Variants in FARP1 observed in about 807,000 individuals in gnomAD.
FARP1 encodes FERM, ARHGEF and pleckstrin domain-containing protein 1.
Under a neutral mutation model 128.8 loss-of-function variants are expected in FARP1, and 52 were observed. The ratio of observed to expected loss-of-function variants is 0.40; its 90% confidence interval spans 0.32 to 0.51. The LOEUF is 0.51. FARP1 is among the 20% of genes least tolerant of loss of function. The pLI is 0.45. For missense variants in FARP1, 1,333 were observed against 1,367.9 expected, an observed-to-expected ratio of 0.97 and a Z score of 0.40; for synonymous variants, 580 against 551.8, an observed-to-expected ratio of 1.05 and a Z score of -0.72.
chr13:98,300,209 G>A (rs139807592), intron 2 of FARP1, among the ~76,000 whole-genome samples: 1 of 152,354 alleles, frequency 6.6e-6, no homozygotes, highest in African/African-American at 2.4e-5. Context: ...GGTCTGGAGT[G>A]AGAAGACAGT....
At chr13:98,236,845 C>T (rs1345125887) in intron 2 of FARP1, among the ~76,000 whole-genome samples, 5 of 150,538 alleles carry the variant, frequency 3.3e-5, no homozygotes, top group African/African-American at 7.3e-5. Flanking sequence ...AAAATAAATT[C>T]GCCAGGCGTG....
intron 2 of FARP1, 128 bp downstream of exon 2, chr13:98,213,541 T>C: frequency 1.1e-6 from 1 of 933,508 alleles, no homozygotes; most frequent in Non-Finnish European, 1.6e-6. Context: ...AGCACCTCCC[T>C]CCCCGCCCCC....
intron 1 of FARP1, among the ~76,000 whole-genome samples, chr13:98,151,956 C>T (rs1303805050): frequency 3.3e-5 from 5 of 152,116 alleles, no homozygotes; most frequent in Non-Finnish European, 7.4e-5. Flanking sequence ...GCCACCACGC[C>T]TGGCCATATC....
intron 3 of FARP1, among the ~76,000 whole-genome samples, chr13:98,355,566 C>T (rs1037772373): frequency 1.3e-5 from 2 of 152,108 alleles, no homozygotes; most frequent in African/African-American, 2.4e-5. Context: ...GAACAGGGCC[C>T]AGTGGTGTAC....
At chr13:98,444,112 G>T (rs1416128207) in intron 24 of FARP1, among the ~76,000 whole-genome samples, 2 of 96,542 alleles carry the variant, frequency 2.1e-5, no homozygotes, top group African/African-American at 8.4e-5. Context: ...TCTTCTTCTC[G>T]GGGGGTCCCC....
chr13:98,202,260 G>A (rs1880000642), intron 1 of FARP1, among the ~76,000 whole-genome samples: 1 of 152,192 alleles, frequency 6.6e-6, no homozygotes, highest in Admixed American at 6.5e-5. Flanking sequence ...GATGCACGGA[G>A]CTGTTGGAGA....
At chr13:98,244,884 C>G (rs1882977604) in intron 2 of FARP1, 1 of 1,429,426 alleles carries the variant, frequency 7.0e-7, no homozygotes, top group African/African-American at 1.4e-5. Context: ...ACAGAGGGGC[C>G]CATCCACTCC....
At position 98,195,023 on chromosome 13, in the gene FARP1, A is replaced by G. The variant is rs548169032; in HGVS notation, c.-23-18197A>G. Among the ~76,000 whole-genome samples the G allele has an allele frequency of 2.3e-4, 35 of 152,352 alleles. 1 individual carries two copies. In the South Asian group the frequency reaches 7.0e-3, roughly 31 times the overall value. On this transcript the variant is annotated intron_variant, in intron 1 of 26. Transcript: ENST00000319562. ...TTTCTTCTTCAGGTACCTACGCCAT[A>G]GGGTCGTTGTGTAGAATCGGGAGTG... is the stretch of plus-strand genomic sequence containing the variant.
At chr13:98,364,413 A>G (rs1888999152) in intron 3 of FARP1, among the ~76,000 whole-genome samples, 1 of 152,110 alleles carries the variant, frequency 6.6e-6, no homozygotes, top group Admixed American at 6.5e-5. Context: ...AATTGTTTCA[A>G]TTTGCATTTC....
At chr13:98,150,256 C>G (rs999391442) in intron 1 of FARP1, among the ~76,000 whole-genome samples, 4 of 152,100 alleles carry the variant, frequency 2.6e-5, no homozygotes, top group African/African-American at 9.7e-5. Flanking sequence ...GTCTCAAACT[C>G]CTGACCTCAA....
chr13:98,244,201 G>C (rs1461876216), intron 2 of FARP1, among the ~76,000 whole-genome samples: 1 of 152,110 alleles, frequency 6.6e-6, no homozygotes, highest in African/African-American at 2.4e-5. Flanking sequence ...GTCCATCCCA[G>C]ATTCCTAGCT....
chr13:98,253,939 C>T lies in FARP1; in HGVS notation c.171+40526C>T, dbSNP rs1226387711. Among the ~76,000 whole-genome samples, 6 of 152,174 alleles carry T rather than the reference C, an allele frequency of 3.9e-5. No individual in the cohort carries two copies. In the East Asian group the frequency reaches 1.2e-3, roughly 29 times the overall value. The stretch of plus-strand genomic sequence containing the variant: ...CATGCTTTCCATGTGGGGTTTGGAA[C>T]AAACTGATGGGCAGTTTTGGCTCTT... On this transcript the variant is annotated intron_variant, in intron 2 of 26. Coordinates refer to ENST00000319562, the MANE Select transcript of FARP1 (RefSeq NM_005766.4).
rs779440789 is a variant in FARP1, at chr13:98,393,737, C to G, written c.1164+19C>G. The G allele has an allele frequency of 5.0e-6, 8 of 1,595,126 alleles. No homozygotes were observed. The highest frequency in any genetic ancestry group is 5.2e-6 in the Non-Finnish European group (6 of 1,163,106). On this transcript the variant is annotated intron_variant, in intron 12 of 26. Transcript: ENST00000319562. The stretch of plus-strand genomic sequence containing the variant: ...GGAGCAGGTCAGTGATGGCGCTGTC[C>G]TATGATAACTCTGCTTTTCCCCACA...
chr13:98,321,895 C>T (rs1169701506), intron 2 of FARP1, among the ~76,000 whole-genome samples: 2 of 152,226 alleles, frequency 1.3e-5, no homozygotes, highest in African/African-American at 2.4e-5. Flanking sequence ...AGATCTGCCA[C>T]GTAATAGCTG....
intron 1 of FARP1, among the ~76,000 whole-genome samples, chr13:98,185,257 T>C (rs1342723535): frequency 6.6e-6 from 1 of 152,194 alleles, no homozygotes; most frequent in Non-Finnish European, 1.5e-5. Context: ...TCCTGAAAAT[T>C]TAACAGCAGG....
intron 4 of FARP1, among the ~76,000 whole-genome samples, chr13:98,365,913 G>GTGTGTGTGTGTGTA (rs1239165336): frequency 5.3e-5 from 8 of 151,664 alleles, no homozygotes; most frequent in African/African-American, 1.9e-4. Flanking sequence ...GTGTGTGTGT[G>GTGTGTGTGTGTGTA]TGTGTTTCTG....
intron 2 of FARP1, among the ~76,000 whole-genome samples, chr13:98,277,150 C>CACACACACACACACA (rs1566824337): frequency 0.057 from 669 of 11,650 alleles, 11 homozygotes; most frequent in South Asian, 0.14. Flanking sequence ...ACACACACAC[C>CACACACACACACACA]CCATATGTAT....
chr13:98,214,417 T>C (rs7319586), intron 2 of FARP1, among the ~76,000 whole-genome samples: 120,671 of 151,820 alleles, frequency 0.79, 48,157 homozygotes, highest in East Asian at 0.98. Context: ...AGGAGGAAGA[T>C]AACTCTTGAA....
At chr13:98,343,679 C>T in intron 2 of FARP1, 83 bp from the exon 3 acceptor site, 1 of 974,270 alleles carries the variant, frequency 1.0e-6, no homozygotes, top group East Asian at 2.4e-5. Flanking sequence ...CTTAGGAATC[C>T]AGAGGTTTCC....
Sources: allele counts gnomAD v4.1 joint callset (sites outside exome capture counted in the v4.1 genomes callset), GRCh38; gene constraint gnomAD v4.1.1; transcripts MANE v1.5; gene names NCBI Gene and HGNC (gene_info 2026-07-23, HGNC 2026-07-21).